The following HIPK3 variants were observed in gnomAD, a reference collection of about 807,000 sequenced individuals.
HIPK3 encodes homeodomain-interacting protein kinase 3.
In HIPK3, 47 loss-of-function variants were observed where a neutral mutation model predicts 124.2. The observed-to-expected ratio is 0.38, with a 90% CI of 0.30 to 0.48. The LOEUF is 0.48. Among genes scored for constraint, HIPK3 ranks in the 20% least tolerant of loss-of-function variants. HIPK3 has a pLI of 0.98. For missense variants in HIPK3, 1,286 were observed against 1,454.3 expected, an observed-to-expected ratio of 0.88 and a Z score of 1.88; for synonymous variants, 482 against 515.2, an observed-to-expected ratio of 0.94 and a Z score of 0.87.
At chr11:33,258,023 C>A in intron 1 of HIPK3, 134 bp downstream of exon 1, 1 of 738,462 alleles carries the variant, frequency 1.4e-6, no homozygotes, top group Non-Finnish European at 1.6e-6. Flanking sequence ...GCACTCATTG[C>A]GCGTCCCGTG....
intron 3 of HIPK3, 143 bp from the exon 4 acceptor site, chr11:33,336,932 A>C (rs931865052): frequency 4.5e-6 from 2 of 441,264 alleles, no homozygotes; most frequent in Non-Finnish European, 7.9e-6. Context: ...TTTTTTCCAT[A>C]TATGTTCTCC....
chr11:33,337,299 C>T, intron 4 of HIPK3, 105 bp downstream of exon 4: 1 of 571,154 alleles, frequency 1.8e-6, no homozygotes, highest in East Asian at 3.5e-5. Context: ...ATATTTCTTC[C>T]TTTTTTTGAA....
intron 1 of HIPK3, among the ~76,000 whole-genome samples, chr11:33,265,910 C>A (rs1850946450): frequency 6.6e-6 from 1 of 151,092 alleles, no homozygotes; most frequent in South Asian, 2.1e-4. Flanking sequence ...ATGGTGAAAC[C>A]CAGACTCTAC....
chr11:33,287,660 T>C, intron 2 of HIPK3, 149 bp downstream of exon 2: 1 of 854,626 alleles, frequency 1.2e-6, no homozygotes, highest in South Asian at 2.2e-5. Context: ...TTTAAAGAGA[T>C]TAAAAAAAAT....
At chr11:33,308,246 C>G (rs190493438) in intron 2 of HIPK3, among the ~76,000 whole-genome samples, 9 of 152,084 alleles carry the variant, frequency 5.9e-5, no homozygotes, top group African/African-American at 2.2e-4. Context: ...TGTTTTTGGA[C>G]TCTTTATTCA....
At chr11:33,311,880 CACTT>C (rs1852353203) in intron 2 of HIPK3, among the ~76,000 whole-genome samples, 1 of 128,536 alleles carries the variant, frequency 7.8e-6, no homozygotes, top group Admixed American at 7.8e-5. Flanking sequence ...TACACACACA[CACTT>C]GGGCAACATA....
chr11:33,313,645 G>T (rs909343981), intron 2 of HIPK3, among the ~76,000 whole-genome samples: 1 of 151,880 alleles, frequency 6.6e-6, no homozygotes, highest in African/African-American at 2.4e-5. Flanking sequence ...ATGTCAACAT[G>T]ATCAGTTATA....
chr11:33,278,978 A>G (rs1851341666), intron 1 of HIPK3, among the ~76,000 whole-genome samples: 1 of 152,232 alleles, frequency 6.6e-6, no homozygotes, highest in South Asian at 2.1e-4. Context: ...GCAAGGCATT[A>G]TTACCTTTTA....
At chr11:33,332,567 A>G (rs1353765048) in intron 3 of HIPK3, among the ~76,000 whole-genome samples, 1 of 152,234 alleles carries the variant, frequency 6.6e-6, no homozygotes, top group Non-Finnish European at 1.5e-5. Context: ...GAGTTTAGAT[A>G]GAATGTTATC....
At chr11:33,296,603 T>A (rs1268535226) in intron 2 of HIPK3, among the ~76,000 whole-genome samples, 1 of 152,228 alleles carries the variant, frequency 6.6e-6, no homozygotes, top group Non-Finnish European at 1.5e-5. Context: ...TTTTGGTAAT[T>A]AATGATATTT....
At chr11:33,330,588 A>G (rs550893000) in intron 3 of HIPK3, among the ~76,000 whole-genome samples, 45 of 152,284 alleles carry the variant, frequency 3.0e-4, no homozygotes, top group African/African-American at 1.1e-3. Context: ...CAGCCTCCCA[A>G]AGTGTTGGGA....
chr11:33,286,628 C>T lies in HIPK3; in HGVS notation c.214C>T (p.Arg72Ter), dbSNP rs755320304. ...FQTKIPFNRP[R>*]GHNFSLQTSA... ...GACAAAGATACCATTTAATAGACCT[C>T]GAGGACACAACTTTTCATTGCAGAC... The change falls in exon 2 of 17, where the codon CGA (arginine) becomes TGA (stop). Residue 72 changes from arginine to a stop codon, truncating the protein, a stop_gained. Coordinates refer to ENST00000303296, the MANE Select transcript of HIPK3 (RefSeq NM_005734.5). LOFTEE classifies it high-confidence loss of function. The T allele has an allele frequency of 1.9e-6, 3 of 1,614,076 alleles. No homozygotes were observed. The highest frequency in any genetic ancestry group is 1.7e-6 in the Non-Finnish European group (2 of 1,180,010).
chr11:33,307,565 AT>A (rs550529907), intron 2 of HIPK3, among the ~76,000 whole-genome samples: 2,152 of 140,882 alleles, frequency 0.015, 14 homozygotes, highest in Middle Eastern at 0.032. Context: ...CGCCTGGCTA[AT>A]TTTTTTTTTT....
At chr11:33,352,998 A>G (rs535724391) in intron 16 of HIPK3, 94 bp from the exon 17 acceptor site, 139 of 740,542 alleles carry the variant, frequency 1.9e-4, no homozygotes, top group Middle Eastern at 3.1e-4. Context: ...TGAGTTATCA[A>G]TCACAAAGGG....
rs759671739 is a variant in HIPK3 at position 33,348,808 on chromosome 11, T to A, written c.2656T>A (p.Ser886Thr). Residue 886 changes from serine to threonine, a missense_variant, in exon 13 of 17, where the codon TCA becomes ACA. Around this residue, in one of 3 missense-constraint regions of HIPK3, gnomAD observed 810 missense variants for 864.9 expected, o/e 0.94. Transcript: ENST00000303296. ...TDEEETSQRH[S>T]LRECKGSLDC... ...TGAGGAAGAGACTTCCCAGAGACAT[T>A]CACTCAGAGAGTAAGTGCCAAACGC... 6.2e-7 allele frequency: 1 copy of A among 1,612,786 alleles called. No individual in the cohort carries two copies. The highest frequency in any genetic ancestry group is 8.5e-7 in the Non-Finnish European group (1 of 1,179,004).
At chr11:33,341,534 T>A in intron 7 of HIPK3, 29 bp from the exon 8 acceptor site, 12 of 1,556,774 alleles carry the variant, frequency 7.7e-6, no homozygotes, top group Non-Finnish European at 1.0e-5. Flanking sequence ...TTTAGAAGAC[T>A]GCTCTATATA....
chr11:33,341,181 T>G, intron 7 of HIPK3, 54 bp downstream of exon 7: 1 of 1,290,564 alleles, frequency 7.7e-7, no homozygotes. Flanking sequence ...GATTGCGCAT[T>G]TTACTTTTGA....
At chr11:33,266,991 C>T (rs1850983449) in intron 1 of HIPK3, among the ~76,000 whole-genome samples, 1 of 152,120 alleles carries the variant, frequency 6.6e-6, no homozygotes, top group Non-Finnish European at 1.5e-5. Flanking sequence ...TTCACATTGC[C>T]TGAGGGAATT....
In HIPK3 at chr11:33,328,503, A is replaced by T. The variant is rs1202909630; in HGVS notation, c.1098-7A>T. On this transcript the variant is annotated splice_polypyrimidine_tract_variant and splice_region_variant and intron_variant, in intron 2 of 16. Coordinates refer to ENST00000303296, the MANE Select transcript of HIPK3 (RefSeq NM_005734.5). ...ACCCTGATTTTTGTTTTAATTTTAAATTTCAGAGCTCCAGAGATTATATTG... is the reference window on the plus strand; with the variant it reads ...ACCCTGATTTTTGTTTTAATTTTAATTTTCAGAGCTCCAGAGATTATATTG... 6.2e-7 allele frequency: 1 copy of T among 1,607,022 alleles called. No homozygotes were observed. Among genetic ancestry groups the T allele is most frequent in the African/African-American group, 1.3e-5 (1 of 74,662 alleles).
Sources: allele counts gnomAD v4.1 joint callset (sites outside exome capture counted in the v4.1 genomes callset), GRCh38; gene constraint gnomAD v4.1.1; regional missense constraint gnomAD v4.1.1; transcripts MANE v1.5; gene names NCBI Gene and HGNC (gene_info 2026-07-23, HGNC 2026-07-21).